The following PBXIP1 variants were observed in gnomAD, a reference collection of about 807,000 sequenced individuals.
PBXIP1 encodes PBX homeobox interacting protein 1.
PBXIP1 carries 73 observed loss-of-function variants against 73.7 expected under a neutral mutation model. That is an observed-to-expected ratio of 0.99 (90% CI 0.82 to 1.20). The LOEUF is 1.20. PBXIP1 is among the 50% of genes most tolerant of loss of function. PBXIP1 has a pLI of 0.00. For synonymous variants in PBXIP1, 330 were observed against 366.9 expected, an observed-to-expected ratio of 0.90 and a Z score of 1.15; for missense variants, 818 against 911.4, an observed-to-expected ratio of 0.90 and a Z score of 1.32.
At position 154,947,645 on chromosome 1, in the gene PBXIP1, C is replaced by T. The variant is rs143585143; in HGVS notation, c.735G>A (p.Arg245=). 65 of 1,613,960 alleles carry T rather than the reference C, an allele frequency of 4.0e-5. No homozygotes were observed. The African/African-American group carries it at 8.3e-4, about 21-fold the overall frequency. ...DPEVLEAVGD[R]QDGLREQLQA... The stretch of plus-strand genomic sequence containing the variant: ...CTCTGGAGACATTCACACATACCTG[C>T]CTGTCCCCCACAGCTTCCAGCACCT... Residue 245 remains arginine, a synonymous_variant, in exon 8 of 11, where the codon AGG becomes AGA. Coordinates refer to ENST00000368463, the MANE Select transcript of PBXIP1 (RefSeq NM_020524.4).
rs1481485970 is a variant in PBXIP1 at position 154,944,842 on chromosome 1, G to A, written c.*182C>T. The A allele has an allele frequency of 7.0e-6, 4 of 568,500 alleles. No homozygotes were observed. The highest frequency in any genetic ancestry group is 1.3e-5 in the Non-Finnish European group (4 of 316,856). 35.2% of individuals were successfully genotyped at this position (568,500 alleles called of 1,614,324 possible). A position where few individuals can be genotyped will look rare whatever the true frequency, so the allele number is the denominator to read the frequency against. Reference sequence around the variant, plus strand: ...TGCATTTGCATAGACGGCAACGCAGGTCCAGCTAAGGCCTTTTTCTACATA... The same window carrying A: ...TGCATTTGCATAGACGGCAACGCAGATCCAGCTAAGGCCTTTTTCTACATA... On this transcript the variant is annotated 3_prime_UTR_variant, in exon 11 of 11. Transcript: ENST00000368463.
chr1:154,954,425 G>A (rs1036059440), intron 1 of PBXIP1, among the ~76,000 whole-genome samples: 5 of 152,328 alleles, frequency 3.3e-5, no homozygotes, highest in Middle Eastern at 3.4e-3. Flanking sequence ...TGCGCAGCCA[G>A]GGTTAAGAGC....
In PBXIP1 at chr1:154,953,753, G is replaced by A. The variant is rs1429435956; in HGVS notation, c.-32C>T. Reference sequence around the variant, plus strand: ...TGAGGTCCCTGAGGCTGCTGTGGCTGCCACCTGCAGAAGAAAGCTCTCTTA... The same window carrying A: ...TGAGGTCCCTGAGGCTGCTGTGGCTACCACCTGCAGAAGAAAGCTCTCTTA... On this transcript the variant is annotated 5_prime_UTR_variant, in exon 2 of 11. Transcript: ENST00000368463. 2 of 1,604,444 alleles carry A rather than the reference G, an allele frequency of 1.2e-6. No homozygotes were observed. Among genetic ancestry groups the A allele is most frequent in the Non-Finnish European group, 1.7e-6 (2 of 1,173,144 alleles).
intron 5 of PBXIP1, chr1:154,950,120 A>G (rs1654960081): frequency 5.6e-6 from 1 of 177,484 alleles, no homozygotes; most frequent in African/African-American, 2.4e-5. Context: ...GGTTCAAGCG[A>G]TTCTCCTGCC....
In PBXIP1 at chr1:154,945,965, G is replaced by A; in HGVS notation, c.1709C>T (p.Pro570Leu). ...CAACAGCTCTGCCCAGGATGGCAGGGGGTCATGGCTGTCCTTAGTCCCTTC... is the reference window on the plus strand; with the variant it reads ...CAACAGCTCTGCCCAGGATGGCAGGAGGTCATGGCTGTCCTTAGTCCCTTC... The part of the protein sequence containing the change: ...WREGTKDSHD[P>L]LPSWAELLRP... Residue 570 changes from proline (P) to leucine (L), a missense_variant, in exon 10 of 11, where the codon CCC becomes CTC. Transcript: ENST00000368463. 1.2e-6 allele frequency: 2 copies of A among 1,613,994 alleles called. No individual in the cohort carries two copies. Among genetic ancestry groups the A allele is most frequent in the South Asian group, 1.1e-5 (1 of 91,068 alleles).
Position 154,951,243 on chromosome 1 carries a change from G to C in PBXIP1, c.398C>G (p.Thr133Ser), listed in dbSNP as rs146759007. ...GQSPPQSLPSTPKAAWIREEG... is the reference protein window; with the variant it reads ...GQSPPQSLPSSPKAAWIREEG... ...AGGAAGACTCTCACCTGCTTTGGGG[G>C]TTGAAGGCAGGCTCTGTGGAGGGCT... Residue 133 changes from threonine (T) to serine (S), a missense_variant, in exon 5 of 11, where the codon ACC becomes AGC. Thr to Ser is a moderately conservative substitution (Grantham distance 58, BLOSUM62 1). Transcript: ENST00000368463. This position sits in a 1 kb window ranked among gnomAD's most constrained non-coding sequence, Gnocchi z 4.3. 9.9e-6 allele frequency: 16 copies of C among 1,613,846 alleles called. No individual in the cohort carries two copies. Among genetic ancestry groups the C allele is most frequent in the Admixed American group, 1.7e-5 (1 of 60,008 alleles).
In PBXIP1 at chr1:154,951,623, G is replaced by C. The variant is rs1248751605; in HGVS notation, c.179-88C>G. 1.4e-6 allele frequency: 2 copies of C among 1,456,582 alleles called. No individual in the cohort carries two copies. The highest frequency in any genetic ancestry group is 1.9e-6 in the Non-Finnish European group (2 of 1,040,910). The allele number at this position is 1,456,582 out of a possible 1,614,324, so 90.2% of individuals were successfully genotyped here. A position where few individuals can be genotyped will look rare whatever the true frequency, so the allele number is the denominator to read the frequency against. On this transcript the variant is annotated intron_variant, in intron 3 of 10. Coordinates refer to ENST00000368463, the MANE Select transcript of PBXIP1 (RefSeq NM_020524.4). The surrounding 1 kb of genome is among the most constrained non-coding windows in gnomAD (Gnocchi z 4.3). Reference sequence around the variant, plus strand: ...CTGTCCATCCCACGGGCCCCTACCAGGTTGGAAGAGGCAGGAAAAAGCCAG... The same window carrying C: ...CTGTCCATCCCACGGGCCCCTACCACGTTGGAAGAGGCAGGAAAAAGCCAG...
intron 2 of PBXIP1, among the ~76,000 whole-genome samples, chr1:154,952,662 C>G (rs555384900): frequency 3.3e-5 from 5 of 152,176 alleles, no homozygotes; most frequent in African/African-American, 9.7e-5. Flanking sequence ...CATGGTCCCC[C>G]CTACAAGGCA....
Position 154,946,423 on chromosome 1 carries a change from C to T in PBXIP1, c.1251G>A (p.Gln417=), listed in dbSNP as rs1303654970. 2 of 1,610,480 alleles carry T rather than the reference C, an allele frequency of 1.2e-6. No homozygotes were observed. Among genetic ancestry groups the T allele is most frequent in the Non-Finnish European group, 8.5e-7 (1 of 1,179,948 alleles). ...SVQQDLERSL[Q]DASRGDPAHA... ...GAGCTGGGTCCCCGCGGCTGGCATC[C>T]TGCAAGCTCCTCTCCAGATCCTGCT... The change falls in exon 10 of 11, where the codon CAG becomes CAA. Residue 417 remains glutamine, a synonymous_variant. Transcript: ENST00000368463.
chr1:154,946,665 G>A lies in PBXIP1; in HGVS notation c.1009C>T (p.Arg337Trp), dbSNP rs542091392. Residue 337 changes from arginine (R) to tryptophan (W), a missense_variant, in exon 10 of 11, where the codon CGG (arginine) becomes TGG (tryptophan). By Grantham distance (101) the Arg-to-Trp change is moderately radical (BLOSUM62 -3). Coordinates refer to ENST00000368463, the MANE Select transcript of PBXIP1 (RefSeq NM_020524.4). ...LESELQQLRARLQGLEADCVR... is the reference protein window; with the variant it reads ...LESELQQLRAWLQGLEADCVR... Reference sequence around the variant, plus strand: ...CAGTCGGCCTCCAGCCCCTGGAGCCGGGCCCGCAGCTGCTGCAGCTCTGAC... The same window carrying A: ...CAGTCGGCCTCCAGCCCCTGGAGCCAGGCCCGCAGCTGCTGCAGCTCTGAC... 4.3e-5 allele frequency: 70 copies of A among 1,612,678 alleles called. 2 individuals carry two copies. The South Asian group carries it at 5.3e-4, about 12-fold the overall frequency.
chr1:154,952,112 C>T (rs527812943), intron 2 of PBXIP1, among the ~76,000 whole-genome samples, 191 bp from the exon 3 acceptor site: 4 of 152,318 alleles, frequency 2.6e-5, no homozygotes, highest in Non-Finnish European at 5.9e-5. Context: ...TACACAGCGC[C>T]GCACCACCAG....
Position 154,945,122 on chromosome 1 carries a change from GGGGA to G in PBXIP1, c.2103-9_2103-6del. ...TGCTTGTCCTTCTTCCCTGACCTGTGGGGAGGAAGAGGCCTTTAGGGGACAATAC... is the reference window on the plus strand; with the variant it reads ...TGCTTGTCCTTCTTCCCTGACCTGTGGGAAGAGGCCTTTAGGGGACAATAC... On this transcript the variant is annotated splice_region_variant and splice_polypyrimidine_tract_variant and intron_variant, in intron 10 of 10. Transcript: ENST00000368463. The G allele has an allele frequency of 6.2e-7, 1 of 1,609,912 alleles. No homozygotes were observed. Among genetic ancestry groups the G allele is most frequent in the Non-Finnish European group, 8.5e-7 (1 of 1,176,206 alleles).
rs1205325787 is a variant in PBXIP1 at position 154,946,453 on chromosome 1, A to G, written c.1221T>C (p.Ser407=). Residue 407 remains serine, a synonymous_variant, in exon 10 of 11, where the codon TCT becomes TCC. Transcript: ENST00000368463. ...AGCTCCTCTCCAGATCCTGCTGTAC[A>G]GACCCCAGCAGCCGTCGCTGCCTCT... ...ELERQRRLLG[S]VQQDLERSLQ... 3 of 1,608,802 alleles carry G rather than the reference A, an allele frequency of 1.9e-6. No homozygotes were observed. Among genetic ancestry groups the G allele is most frequent in the Non-Finnish European group, 2.5e-6 (3 of 1,179,960 alleles).
Position 154,951,662 on chromosome 1 carries a change from AAGG to A in PBXIP1, c.178+130_179-128del, listed in dbSNP as rs754853146. 1.6e-4 allele frequency: 223 copies of A among 1,411,966 alleles called. No homozygotes were observed. Among genetic ancestry groups the A allele is most frequent in the Middle Eastern group, 5.4e-4 (3 of 5,588 alleles). The allele number at this position is 1,411,966 out of a possible 1,614,324, so 87.5% of individuals were successfully genotyped here. ...GGAAAAAGCCAGGATGGAATGAGAA[AAGG>A]AGTTTGTCAACTGAGATTAATGGAG... On this transcript the variant is annotated intron_variant, in intron 3 of 10. Coordinates refer to ENST00000368463, the MANE Select transcript of PBXIP1 (RefSeq NM_020524.4). The surrounding 1 kb of genome is among the most constrained non-coding windows in gnomAD (Gnocchi z 4.3).
At chr1:154,955,775 A>G (rs1655158907) in intron 1 of PBXIP1, among the ~76,000 whole-genome samples, 1 of 152,218 alleles carries the variant, frequency 6.6e-6, no homozygotes, top group Non-Finnish European at 1.5e-5. Context: ...ATTTCTAAAA[A>G]ACAGCTAAAG....
intron 6 of PBXIP1, 45 bp from the exon 7 acceptor site, chr1:154,948,050 G>T (rs1439915161): frequency 1.2e-6 from 2 of 1,601,322 alleles, no homozygotes; most frequent in Non-Finnish European, 1.7e-6. Context: ...TCGGGGAGGG[G>T]TGATGTGAGG....
At position 154,951,616 on chromosome 1, in the gene PBXIP1, C is replaced by G. The variant is rs182483636; in HGVS notation, c.179-81G>C. 2,389 of 1,493,122 alleles carry G rather than the reference C, an allele frequency of 1.6e-3. 6 individuals carry two copies. Among genetic ancestry groups the G allele is most frequent in the Non-Finnish European group, 1.1e-3 (1,214 of 1,071,868 alleles). 92.5% of individuals were successfully genotyped at this position (1,493,122 alleles called of 1,614,324 possible). ...CAGCCCTCTGTCCATCCCACGGGCC[C>G]CTACCAGGTTGGAAGAGGCAGGAAA... On this transcript the variant is annotated intron_variant, in intron 3 of 10. Coordinates refer to ENST00000368463, the MANE Select transcript of PBXIP1 (RefSeq NM_020524.4). This position sits in a 1 kb window ranked among gnomAD's most constrained non-coding sequence, Gnocchi z 4.3.
At chr1:154,954,476 A>G (rs2101990429) in intron 1 of PBXIP1, among the ~76,000 whole-genome samples, 1 of 152,324 alleles carries the variant, frequency 6.6e-6, no homozygotes, top group Non-Finnish European at 1.5e-5. Flanking sequence ...ACCTTTTATA[A>G]GTCTCCTCAT....
intron 2 of PBXIP1, among the ~76,000 whole-genome samples, chr1:154,953,315 G>T (rs970456138): frequency 2.0e-5 from 3 of 151,994 alleles, no homozygotes; most frequent in African/African-American, 7.3e-5. Flanking sequence ...CTCCAACACT[G>T]GCTCCAACCC....
Sources: allele counts gnomAD v4.1 joint callset (sites outside exome capture counted in the v4.1 genomes callset), GRCh38; gene constraint gnomAD v4.1.1; non-coding constraint Gnocchi (gnomAD v3.1); transcripts MANE v1.5; gene names NCBI Gene and HGNC (gene_info 2026-07-23, HGNC 2026-07-21).